CCL15: variants seen among roughly 807,000 people sequenced by gnomAD.
The protein encoded by CCL15 is C-C motif chemokine 15.
A neutral mutation model predicts 10.6 loss-of-function variants in CCL15; 8 were observed. That is an observed-to-expected ratio of 0.75 (90% confidence interval 0.44 to 1.36). The LOEUF (loss-of-function observed/expected upper bound fraction) is 1.36. CCL15 is among the 40% of genes most tolerant of loss of function. The probability of loss-of-function intolerance (pLI) is 0.00; values close to 1 mark genes in which losing one functional copy is unlikely to be tolerated. For synonymous variants in CCL15, 51 were observed against 48.8 expected, an observed-to-expected ratio of 1.04 and a Z score of -0.19; for missense variants, 128 against 136.6, an observed-to-expected ratio of 0.94 and a Z score of 0.32.
At chr17:35,999,975 C>T (rs1027336570) in intron 1 of CCL15, among the ~76,000 whole-genome samples, 2 of 149,348 alleles carry the variant, frequency 1.3e-5, no homozygotes, top group African/African-American at 4.9e-5. Flanking sequence ...CATGGTGAAA[C>T]CCCATCTCTA....
At position 35,998,303 on chromosome 17, in the gene CCL15, G is replaced by A. The variant is rs758528191; in HGVS notation, c.225C>T (p.Ser75=). 7.4e-6 allele frequency: 12 copies of A among 1,613,422 alleles called. No individual in the cohort carries two copies. The highest frequency in any genetic ancestry group is 6.7e-5 in the Admixed American group (4 of 60,002). Residue 75 remains serine, a synonymous_variant, in exon 3 of 4, where the codon AGC becomes AGT. Coordinates refer to ENST00000617897, the MANE Select transcript of CCL15 (RefSeq NM_032965.6). ...SLMKSYFETS[S]ECSKPGVIFL... ...ACATGACACCTGGCTTGGAGCACTC[G>A]CTGCTCGTTTCAAAATAACTTTTCA...
intron 3 of CCL15, 66 bp downstream of exon 3, chr17:35,998,214 G>C: frequency 9.4e-7 from 1 of 1,061,082 alleles, no homozygotes; most frequent in Non-Finnish European, 1.5e-6. Context: ...CATCCGTCGT[G>C]TCCTCCCTGC....
chr17:35,998,216 C>T, intron 3 of CCL15, 64 bp downstream of exon 3: 1 of 1,091,062 alleles, frequency 9.2e-7, no homozygotes, highest in Non-Finnish European at 1.4e-6. Context: ...TCCGTCGTGT[C>T]CTCCCTGCAA....
At chr17:35,998,595 C>T (rs548112152) in intron 2 of CCL15, among the ~76,000 whole-genome samples, 12 of 152,354 alleles carry the variant, frequency 7.9e-5, no homozygotes, top group African/African-American at 2.9e-4. Context: ...AGAAAATTTC[C>T]CCCAGAAGGG....
rs138438750 is a variant in CCL15, at chr17:35,998,792, G to A, written c.136+74C>T. 4.5e-3 allele frequency: 5,129 copies of A among 1,150,764 alleles called. 23 individuals are homozygous for A. The highest frequency in any genetic ancestry group is 5.2e-3 in the Non-Finnish European group (3,968 of 758,536). 71.3% of individuals were successfully genotyped at this position (1,150,764 alleles called of 1,614,324 possible). On this transcript the variant is annotated intron_variant, in intron 2 of 3. Coordinates refer to ENST00000617897, the MANE Select transcript of CCL15 (RefSeq NM_032965.6). ...TCATTCTCCTCCCATTCTGTAAACA[G>A]GGACAATGGATCCCATAGTGCAGAC...
intron 1 of CCL15, 133 bp downstream of exon 1, chr17:36,001,284 C>T (rs1436665559): frequency 6.7e-6 from 8 of 1,193,320 alleles, no homozygotes; most frequent in Non-Finnish European, 9.6e-6. Flanking sequence ...AGAGCCAGGT[C>T]TATACCCTGC....
At chr17:35,999,749 A>G (rs997990281) in intron 1 of CCL15, among the ~76,000 whole-genome samples, 2 of 152,124 alleles carry the variant, frequency 1.3e-5, no homozygotes, top group African/African-American at 2.4e-5. Flanking sequence ...TAGGTGAGCC[A>G]CCATGCCTAG....
At position 35,998,849 on chromosome 17, in the gene CCL15, C is replaced by T. The variant is rs201135291; in HGVS notation, c.136+17G>A. On this transcript the variant is annotated intron_variant, in intron 2 of 3. Transcript: ENST00000617897. ...CTGCTGGCTGCTTTTAAATGTATGC[C>T]GTATCTGATCACTTACTGTTCAGAA... 179 of 1,602,548 alleles carry T rather than the reference C, an allele frequency of 1.1e-4. No individual in the cohort carries two copies. The highest frequency in any genetic ancestry group is 1.3e-4 in the Non-Finnish European group (156 of 1,169,490).
At chr17:35,998,526 C>A in intron 2 of CCL15, 135 bp from the exon 3 acceptor site, 1 of 726,390 alleles carries the variant, frequency 1.4e-6, no homozygotes, top group Non-Finnish European at 2.4e-6. Context: ...CTGCTTCAGA[C>A]CCTCCCCAGG....
Position 36,001,453 on chromosome 17 carries a change from C to A in CCL15, c.40G>T (p.Val14Phe), listed in dbSNP as rs780711135. The A allele has an allele frequency of 1.2e-6, 2 of 1,614,126 alleles. No individual in the cohort carries two copies. Among genetic ancestry groups the A allele is most frequent in the Admixed American group, 3.3e-5 (2 of 60,018 alleles). The change falls in exon 1 of 4, where the codon GTT (valine) becomes TTT (phenylalanine). Residue 14 changes from valine (V) to phenylalanine (F), a missense_variant. By Grantham distance (50) the Val-to-Phe change is conservative. Coordinates refer to ENST00000617897, the MANE Select transcript of CCL15 (RefSeq NM_032965.6). ...SVAALSCLML[V>F]AVLGSQAQFT... Reference sequence around the variant, plus strand: ...TGGGCCTGGGATCCAAGGACAGCAACAAGCATGAGGCAGGAGAGGGCAGCC... The same window carrying A: ...TGGGCCTGGGATCCAAGGACAGCAAAAAGCATGAGGCAGGAGAGGGCAGCC...
intron 1 of CCL15, among the ~76,000 whole-genome samples, chr17:36,000,991 A>T (rs560220174): frequency 1.3e-5 from 2 of 152,174 alleles, no homozygotes; most frequent in Non-Finnish European, 2.9e-5. Context: ...ATTCCACAGG[A>T]ACAAGTGAGA....
chr17:35,998,436 G>T, intron 2 of CCL15, 45 bp from the exon 3 acceptor site: 1 of 1,337,762 alleles, frequency 7.5e-7, no homozygotes, highest in Non-Finnish European at 1.1e-6. Flanking sequence ...CTTTCTCCTC[G>T]AAAGCACAGT....
Position 35,998,391 on chromosome 17 carries a change from C to T in CCL15, c.137G>A (p.Ser46Asn). ...GCAGCAGTCAGCAGCAAAGTGAAAG[C>T]CTGCAGCAAGAGAAAGCGTCATCTG... ...LPLENPVVLNSFHFAADCCTS... is the reference protein window; with the variant it reads ...LPLENPVVLNNFHFAADCCTS... Residue 46 changes from serine (S) to asparagine (N), a missense_variant and splice_region_variant, in exon 3 of 4, where the codon AGC becomes AAC. By Grantham distance (46) the Ser-to-Asn change is conservative. Coordinates refer to ENST00000617897, the MANE Select transcript of CCL15 (RefSeq NM_032965.6). 4 of 1,609,012 alleles carry T rather than the reference C, an allele frequency of 2.5e-6. No homozygotes were observed. Among genetic ancestry groups the T allele is most frequent in the Non-Finnish European group, 3.4e-6 (4 of 1,175,638 alleles).
rs1401579042 is a variant in CCL15 at position 35,997,846 on chromosome 17, T to G, written c.263A>C (p.Lys88Thr). 3.7e-6 allele frequency: 6 copies of G among 1,613,728 alleles called. No individual in the cohort carries two copies. The African/African-American group carries it at 6.7e-5, about 18-fold the overall frequency. ...GGGTTTGGCACAGACTTGCCGCCCC[T>G]TCTTGGTGAGGAATCTGGGGAACAA... The part of the protein sequence containing the change: ...SKPGVIFLTK[K>T]GRQVCAKPSG... Residue 88 changes from lysine (K) to threonine (T), a missense_variant, in exon 4 of 4, where the codon AAG becomes ACG. Physicochemically the swap from Lys to Thr is moderately conservative, Grantham distance 78 (BLOSUM62 -1). Coordinates refer to ENST00000617897, the MANE Select transcript of CCL15 (RefSeq NM_032965.6).
At chr17:35,998,211 C>T (rs1598745637) in intron 3 of CCL15, 69 bp downstream of exon 3, 9 of 1,015,210 alleles carry the variant, frequency 8.9e-6, no homozygotes, top group Admixed American at 1.9e-5. Flanking sequence ...GCCCATCCGT[C>T]GTGTCCTCCC....
Position 35,997,869 on chromosome 17 carries a change from C to G in CCL15, c.249-9G>C, listed in dbSNP as rs762239677. 6.2e-7 allele frequency: 1 copy of G among 1,609,382 alleles called. No individual in the cohort carries two copies. The highest frequency in any genetic ancestry group is 8.5e-7 in the Non-Finnish European group (1 of 1,175,854). On this transcript the variant is annotated splice_polypyrimidine_tract_variant and intron_variant, in intron 3 of 3. Coordinates refer to ENST00000617897, the MANE Select transcript of CCL15 (RefSeq NM_032965.6). Reference sequence around the variant, plus strand: ...CCTTCTTGGTGAGGAATCTGGGGAACAAGGGAGAGAAAGATTACAAACTGA... The same window carrying G: ...CCTTCTTGGTGAGGAATCTGGGGAAGAAGGGAGAGAAAGATTACAAACTGA...
Position 35,998,306 on chromosome 17 carries a change from G to A in CCL15, c.222C>T (p.Ser74=), listed in dbSNP as rs1189274673. The A allele has an allele frequency of 4.3e-6, 7 of 1,613,768 alleles. No homozygotes were observed. Among genetic ancestry groups the A allele is most frequent in the Middle Eastern group, 1.7e-4 (1 of 6,058 alleles). The change falls in exon 3 of 4, where the codon AGC becomes AGT. Residue 74 remains serine, a synonymous_variant. Coordinates refer to ENST00000617897, the MANE Select transcript of CCL15 (RefSeq NM_032965.6). ...TGACACCTGGCTTGGAGCACTCGCT[G>A]CTCGTTTCAAAATAACTTTTCATGA... ...CSLMKSYFET[S]SECSKPGVIF...
Position 35,997,741 on chromosome 17 carries a change from G to C in CCL15, c.*26C>G, listed in dbSNP as rs773040838. On this transcript the variant is annotated 3_prime_UTR_variant, in exon 4 of 4. Coordinates refer to ENST00000617897, the MANE Select transcript of CCL15 (RefSeq NM_032965.6). ...CTCACAGGAGGTGTTGGAGGTGGGTGGCTGGCCTCTTTTGTCTCTTTATTA... is the reference window on the plus strand; with the variant it reads ...CTCACAGGAGGTGTTGGAGGTGGGTCGCTGGCCTCTTTTGTCTCTTTATTA... 1.4e-6 allele frequency: 2 copies of C among 1,444,310 alleles called. No homozygotes were observed. The highest frequency in any genetic ancestry group is 2.0e-6 in the Non-Finnish European group (2 of 1,025,558). The allele number at this position is 1,444,310 out of a possible 1,614,324, so 89.5% of individuals were successfully genotyped here. A position where few individuals can be genotyped will look rare whatever the true frequency, so the allele number is the denominator to read the frequency against.
intron 2 of CCL15, 83 bp downstream of exon 2, chr17:35,998,783 C>A (rs1462458418): frequency 1.8e-6 from 2 of 1,103,912 alleles, no homozygotes; most frequent in African/African-American, 3.1e-5. Context: ...TCCTCCCATT[C>A]TGTAAACAGG....
Sources: gnomAD v4.1 joint callset for allele counts (sites outside exome capture counted in the v4.1 genomes callset) on GRCh38, gnomAD v4.1.1 for gene constraint, MANE v1.5 for transcripts, NCBI Gene and HGNC (gene_info 2026-07-23, HGNC 2026-07-21) for gene names.